Variants in SMG1 observed in about 807,000 individuals in gnomAD.
SMG1 encodes SMG1 nonsense mediated mRNA decay associated PI3K related kinase.
A neutral mutation model predicts 419.9 loss-of-function variants in SMG1; 22 were observed. The ratio of observed to expected loss-of-function variants is 0.05; its 90% CI spans 0.04 to 0.07. The LOEUF (loss-of-function observed/expected upper bound fraction) is 0.07. Ranked by LOEUF, SMG1 falls within the 10% of genes least tolerant of loss-of-function variation. SMG1 has a pLI of 1.00. For missense variants in SMG1, 3,185 were observed against 4,342.0 expected, an observed-to-expected ratio of 0.73 and a Z score of 7.49; for synonymous variants, 1,538 against 1,553.5, an observed-to-expected ratio of 0.99 and a Z score of 0.23.
intron 25 of SMG1, among the ~76,000 whole-genome samples, chr16:18,861,817 T>A (rs1233551240): frequency 3.3e-5 from 5 of 152,178 alleles, no homozygotes; most frequent in Non-Finnish European, 7.3e-5. Flanking sequence ...AAAGTAGGCT[T>A]TAATTTCCTC....
At chr16:18,819,423 T>G in intron 56 of SMG1, 79 bp downstream of exon 56, 1 of 1,488,732 alleles carries the variant, frequency 6.7e-7, no homozygotes, top group East Asian at 2.4e-5. Flanking sequence ...GCTCCCCTAG[T>G]TACCCCACAT....
chr16:18,854,557 C>A, intron 30 of SMG1, 99 bp downstream of exon 30: 1 of 1,135,092 alleles, frequency 8.8e-7, no homozygotes, highest in Non-Finnish European at 1.2e-6. Flanking sequence ...TGGAAATGAT[C>A]AACTTTGCTA....
At position 18,873,784 on chromosome 16, in the gene SMG1, C is replaced by T. The variant is rs1310690545; in HGVS notation, c.1891-1160G>A. On this transcript the variant is annotated intron_variant, in intron 13 of 62. Coordinates refer to ENST00000446231, the MANE Select transcript of SMG1 (RefSeq NM_015092.5). ...CCTGTTCAATAAGGAAACAAAGGCA[C>T]ACCCTGCCACTCTACACCTTTTCCA... Among the ~76,000 whole-genome samples, 17 of 152,256 alleles carry T rather than the reference C, an allele frequency of 1.1e-4. 1 individual carries two copies. The East Asian group carries it at 2.7e-3, about 24-fold the overall frequency.
At chr16:18,840,006 T>A in intron 41 of SMG1, 60 bp from the exon 42 acceptor site, 1 of 1,357,266 alleles carries the variant, frequency 7.4e-7, no homozygotes, top group Non-Finnish European at 1.0e-6. Flanking sequence ...GGAAAAAGAG[T>A]GCCTTTTGTA....
At chr16:18,812,252 A>G in intron 60 of SMG1, 125 bp from the exon 61 acceptor site, 1 of 870,978 alleles carries the variant, frequency 1.1e-6, no homozygotes, top group Non-Finnish European at 1.7e-6. Flanking sequence ...ATAAATCCTT[A>G]TCCTTGGACA....
intron 35 of SMG1, 132 bp downstream of exon 35, chr16:18,849,817 G>T: frequency 1.2e-6 from 1 of 823,548 alleles, no homozygotes; most frequent in Admixed American, 2.9e-5. Flanking sequence ...AAGCAGTGCA[G>T]GGTGTCCTAG....
intron 10 of SMG1, among the ~76,000 whole-genome samples, chr16:18,880,350 A>G (rs2141696740): frequency 6.6e-6 from 1 of 152,318 alleles, no homozygotes; most frequent in South Asian, 2.1e-4. Context: ...ATGTTAAAAA[A>G]TATTTCTATA....
In SMG1 at chr16:18,819,582, C is replaced by T. The variant is rs761325385; in HGVS notation, c.9814G>A (p.Ala3272Thr). ...GCTTCAAAATCTTGTAGTACAGGGGCCAATGCAGGGTTGGCACCACCTGCC... is the reference window on the plus strand; with the variant it reads ...GCTTCAAAATCTTGTAGTACAGGGGTCAATGCAGGGTTGGCACCACCTGCC... ...KWAGGANPAL[A>T]PVLQDFEATI... Residue 3272 changes from alanine to threonine, a missense_variant, in exon 56 of 63, where the codon GCC becomes ACC. Physicochemically the swap from Ala to Thr is moderately conservative, Grantham distance 58. Transcript: ENST00000446231. The T allele has an allele frequency of 1.3e-6, 2 of 1,599,200 alleles. No individual in the cohort carries two copies. The highest frequency in any genetic ancestry group is 1.7e-6 in the Non-Finnish European group (2 of 1,172,412).
At chr16:18,851,524 A>T (rs1204450636) in intron 33 of SMG1, among the ~76,000 whole-genome samples, 3 of 152,260 alleles carry the variant, frequency 2.0e-5, no homozygotes, top group Non-Finnish European at 2.9e-5. Flanking sequence ...AAAAGTAATT[A>T]AAAAATAAAT....
At chr16:18,820,650 C>T (rs1451430400) in intron 55 of SMG1, among the ~76,000 whole-genome samples, 3 of 152,188 alleles carry the variant, frequency 2.0e-5, no homozygotes, top group Admixed American at 6.5e-5. Flanking sequence ...CCTGCATGTC[C>T]ATGTCTCTAA....
intron 39 of SMG1, among the ~76,000 whole-genome samples, chr16:18,843,753 C>T (rs2034062273): frequency 6.6e-6 from 1 of 152,158 alleles, no homozygotes; most frequent in Non-Finnish European, 1.5e-5. Context: ...GGAAACTAAA[C>T]AGTGTCATTT....
rs1175207901 is a variant in SMG1 at position 18,864,028 on chromosome 16, C to A, written c.3467G>T (p.Ser1156Ile). ...VLTLANAGRN[S>I]ASPKHSLNGE... ...ATTCAGAGAATGTTTCGGGCTGGCACTGTTACGCCCAGCATTGGCTAAGGT... is the reference window on the plus strand; with the variant it reads ...ATTCAGAGAATGTTTCGGGCTGGCAATGTTACGCCCAGCATTGGCTAAGGT... The change falls in exon 24 of 63, where the codon AGT becomes ATT. Residue 1156 changes from serine to isoleucine, a missense_variant. By Grantham distance (142) the Ser-to-Ile change is moderately radical. Coordinates refer to ENST00000446231, the MANE Select transcript of SMG1 (RefSeq NM_015092.5). 5 of 1,549,966 alleles carry A rather than the reference C, an allele frequency of 3.2e-6. No individual in the cohort carries two copies. Among genetic ancestry groups the A allele is most frequent in the Non-Finnish European group, 3.5e-6 (4 of 1,146,962 alleles).
intron 29 of SMG1, 144 bp from the exon 30 acceptor site, chr16:18,855,048 C>T: frequency 1.4e-6 from 1 of 725,982 alleles, no homozygotes; most frequent in Non-Finnish European, 2.2e-6. Context: ...TCCCTAGCAG[C>T]TAGCACAGTG....
intron 55 of SMG1, among the ~76,000 whole-genome samples, chr16:18,826,905 A>G (rs2032719436): frequency 1.9e-5 from 1 of 51,800 alleles, no homozygotes; most frequent in Non-Finnish European, 4.4e-5. Context: ...GCTAGCAATC[A>G]GCGAGATTCC....
At chr16:18,869,355 A>G in intron 19 of SMG1, 52 bp from the exon 20 acceptor site, 2 of 1,441,538 alleles carry the variant, frequency 1.4e-6, no homozygotes, top group Non-Finnish European at 1.9e-6. Flanking sequence ...CATTTTAATA[A>G]TGAAAAAAAA....
At chr16:18,837,480 G>A (rs1026865528) in intron 45 of SMG1, 37 bp from the exon 46 acceptor site, 2 of 1,555,932 alleles carry the variant, frequency 1.3e-6, no homozygotes, top group African/African-American at 2.7e-5. Flanking sequence ...GACTCTTACA[G>A]GGCCAATTTT....
At chr16:18,859,410 A>G (rs1376129115) in intron 27 of SMG1, 146 bp downstream of exon 27, 6 of 688,178 alleles carry the variant, frequency 8.7e-6, no homozygotes, top group South Asian at 1.9e-5. Flanking sequence ...CAGCATTCAT[A>G]TATCATATGA....
intron 1 of SMG1, among the ~76,000 whole-genome samples, chr16:18,905,957 TCAA>T (rs2037544351): frequency 6.6e-6 from 1 of 152,058 alleles, no homozygotes; most frequent in Non-Finnish European, 1.5e-5. Context: ...GTGTATCATT[TCAA>T]CAACACTCTT....
rs769478052 is a variant in SMG1, at chr16:18,864,123, C to T, written c.3372G>A (p.Glu1124=). Residue 1124 remains glutamate (E), a synonymous_variant, in exon 24 of 63, where the codon GAG becomes GAA. Transcript: ENST00000446231. ...AEGRFEKASV[E]YQEHLCAMTG... is the part of the protein sequence containing the mutation. Reference sequence around the variant, plus strand: ...TCATGGCACACAGGTGTTCCTGGTACTCCACAGAGGCCTTTTCAAACCTGA... The same window carrying T: ...TCATGGCACACAGGTGTTCCTGGTATTCCACAGAGGCCTTTTCAAACCTGA... The T allele has an allele frequency of 1.6e-5, 24 of 1,546,954 alleles. No homozygotes were observed. Among genetic ancestry groups the T allele is most frequent in the Non-Finnish European group, 2.1e-5 (24 of 1,145,874 alleles).
Sources: gnomAD v4.1 joint callset for allele counts (sites outside exome capture counted in the v4.1 genomes callset) on GRCh38, gnomAD v4.1.1 for gene constraint, MANE v1.5 for transcripts, NCBI Gene and HGNC (gene_info 2026-07-23, HGNC 2026-07-21) for gene names.